ZDHHC3: variants seen among roughly 807,000 people sequenced by gnomAD.
ZDHHC3 encodes zDHHC palmitoyltransferase 3, also known as palmitoyltransferase ZDHHC3.
A neutral mutation model predicts 30.6 loss-of-function variants in ZDHHC3; 9 were observed. The ratio of observed to expected loss-of-function variants is 0.29; its 90% CI spans 0.18 to 0.51. The LOEUF (loss-of-function observed/expected upper bound fraction) is 0.51. Ranked by LOEUF, ZDHHC3 falls within the 20% of genes least tolerant of loss-of-function variation. The pLI is 0.97. For missense variants in ZDHHC3, 246 were observed against 384.2 expected, an observed-to-expected ratio of 0.64 and a Z score of 3.01; for synonymous variants, 136 against 140.2, an observed-to-expected ratio of 0.97 and a Z score of 0.21.
At chr3:44,964,978 C>T (rs75690717) in intron 1 of ZDHHC3, among the ~76,000 whole-genome samples, 1 of 151,384 alleles carries the variant, frequency 6.6e-6, no homozygotes, top group African/African-American at 2.4e-5. Context: ...TGGGGAGGGG[C>T]GGGGGTAAGG....
chr3:44,929,240 G>T (rs2125813424), intron 6 of ZDHHC3, 66 bp downstream of exon 6: 9 of 1,583,500 alleles, frequency 5.7e-6, no homozygotes, highest in Middle Eastern at 4.2e-4. Context: ...AGCTCTCCCA[G>T]CAACACTGAC....
Position 44,920,217 on chromosome 3 carries a change from T to C in ZDHHC3, c.*6472A>G, listed in dbSNP as rs1046120044. Reference sequence around the variant, plus strand: ...CTTCATGTGGGTCATGAGCATGTGATGCCATGCTGCTTCCTGACTGGCCCC... The same window carrying C: ...CTTCATGTGGGTCATGAGCATGTGACGCCATGCTGCTTCCTGACTGGCCCC... On this transcript the variant is annotated 3_prime_UTR_variant, in exon 7 of 7. Coordinates refer to ENST00000424952, the MANE Select transcript of ZDHHC3 (RefSeq NM_001135179.2). 1.6e-6 allele frequency: 2 copies of C among 1,289,980 alleles called. No individual in the cohort carries two copies. The highest frequency in any genetic ancestry group is 2.0e-6 in the Non-Finnish European group (2 of 988,914). 79.9% of individuals were successfully genotyped at this position (1,289,980 alleles called of 1,614,324 possible).
intron 6 of ZDHHC3, among the ~76,000 whole-genome samples, chr3:44,927,609 C>T (rs1053898058): frequency 2.6e-5 from 4 of 152,234 alleles, no homozygotes; most frequent in Non-Finnish European, 4.4e-5. Context: ...AGAAGCATGG[C>T]GCAGACCTAT....
intron 1 of ZDHHC3, among the ~76,000 whole-genome samples, chr3:44,968,898 GTAAGGAAGTGAAGC>G: frequency 6.6e-6 from 1 of 152,190 alleles, no homozygotes; most frequent in Non-Finnish European, 1.5e-5. Flanking sequence ...TTACAGATGA[GTAAGGAAGTGAAGC>G]TCAAGGAGTC....
Position 44,924,839 on chromosome 3 carries a change from T to C in ZDHHC3, c.*1850A>G. The C allele has an allele frequency of 2.0e-6, 2 of 985,550 alleles. No homozygotes were observed. The highest frequency in any genetic ancestry group is 2.4e-6 in the Non-Finnish European group (2 of 829,936). The allele number at this position is 985,550 out of a possible 1,614,324, so 61.1% of individuals were successfully genotyped here. The stretch of plus-strand genomic sequence containing the variant: ...AACTTGATCTAAAACAGCATTCTTT[T>C]CTTTTTAATCTTAGCATCTCAGCCT... On this transcript the variant is annotated 3_prime_UTR_variant, in exon 7 of 7. Coordinates refer to ENST00000424952, the MANE Select transcript of ZDHHC3 (RefSeq NM_001135179.2).
rs1322604221 is a variant in ZDHHC3 at position 44,925,169 on chromosome 3, C to G, written c.*1520G>C. ...ACCTCAAGAGAGAGCTAAATCAGAA[C>G]AGGTTTTGGAAAAATTTTATTGCAT... On this transcript the variant is annotated 3_prime_UTR_variant, in exon 7 of 7. Transcript: ENST00000424952. 5.1e-6 allele frequency: 5 copies of G among 985,776 alleles called. No individual in the cohort carries two copies. The highest frequency in any genetic ancestry group is 6.0e-6 in the Non-Finnish European group (5 of 829,948). 61.1% of individuals were successfully genotyped at this position (985,776 alleles called of 1,614,324 possible). A position where few individuals can be genotyped will look rare whatever the true frequency, so the allele number is the denominator to read the frequency against.
Position 44,926,379 on chromosome 3 carries a change from C to T in ZDHHC3, c.*310G>A, listed in dbSNP as rs533033607. On this transcript the variant is annotated 3_prime_UTR_variant, in exon 7 of 7. Transcript: ENST00000424952. ...CACTCAGTTAGTAGAATGGGCACAG[C>T]GCGAGACAGCGCCCTCTACATTAGT... The T allele has an allele frequency of 3.3e-5, 36 of 1,076,070 alleles. No homozygotes were observed. Among genetic ancestry groups the T allele is most frequent in the Middle Eastern group, 4.3e-4 (1 of 2,340 alleles). 66.7% of individuals were successfully genotyped at this position (1,076,070 alleles called of 1,614,324 possible). A position where few individuals can be genotyped will look rare whatever the true frequency, so the allele number is the denominator to read the frequency against.
chr3:44,958,281 C>T (rs958436499), intron 2 of ZDHHC3, among the ~76,000 whole-genome samples: 12 of 152,172 alleles, frequency 7.9e-5, no homozygotes, highest in African/African-American at 2.9e-4. Context: ...CAAGAACTAG[C>T]TCAGGCCCAT....
intron 3 of ZDHHC3, chr3:44,938,142 C>T: frequency 5.1e-6 from 1 of 197,600 alleles, no homozygotes; most frequent in South Asian, 7.6e-5. Flanking sequence ...TGTCACCAAG[C>T]CAGGCTAATT....
chr3:44,965,821 C>A (rs1704899689), intron 1 of ZDHHC3, among the ~76,000 whole-genome samples: 1 of 152,288 alleles, frequency 6.6e-6, no homozygotes, highest in African/African-American at 2.4e-5. Context: ...AGACAAGATC[C>A]CACACTAAAG....
At position 44,926,246 on chromosome 3, in the gene ZDHHC3, G is replaced by A; in HGVS notation, c.*443C>T. 7 of 986,998 alleles carry A rather than the reference G, an allele frequency of 7.1e-6. No homozygotes were observed. Among genetic ancestry groups the A allele is most frequent in the Non-Finnish European group, 8.4e-6 (7 of 831,034 alleles). 61.1% of individuals were successfully genotyped at this position (986,998 alleles called of 1,614,324 possible). A position where few individuals can be genotyped will look rare whatever the true frequency, so the allele number is the denominator to read the frequency against. On this transcript the variant is annotated 3_prime_UTR_variant, in exon 7 of 7. Transcript: ENST00000424952. ...CGGTGAGGTTTTATGTCCCATCGGGGAGCCCGCCACTGCCTCCTGGGCAGT... is the reference window on the plus strand; with the variant it reads ...CGGTGAGGTTTTATGTCCCATCGGGAAGCCCGCCACTGCCTCCTGGGCAGT...
chr3:44,955,457 T>TTATATA lies in ZDHHC3; in HGVS notation c.306+3668_306+3673dup, dbSNP rs150337679. 3.2e-3 allele frequency among the ~76,000 whole-genome samples: 457 copies of TTATATA among 143,948 alleles called. 4 individuals carry two copies. The highest frequency in any genetic ancestry group is 9.2e-3 in the African/African-American group (360 of 39,234). 94.4% of individuals were successfully genotyped at this position (143,948 alleles called of 152,430 possible). On this transcript the variant is annotated intron_variant, in intron 2 of 6. Transcript: ENST00000424952. ...CTGCTTGAGGGAGACCACAAGGTTT[T>TTATATA]TATATATATATATATATATGTATAT...
chr3:44,947,725 A>T (rs1165461033), intron 2 of ZDHHC3, among the ~76,000 whole-genome samples: 1 of 152,222 alleles, frequency 6.6e-6, no homozygotes, highest in Non-Finnish European at 1.5e-5. Context: ...TACACTCCCT[A>T]GCAGAGTCTT....
chr3:44,927,116 C>T (rs532970254), intron 6 of ZDHHC3, among the ~76,000 whole-genome samples: 11 of 152,260 alleles, frequency 7.2e-5, no homozygotes, highest in African/African-American at 2.2e-4. Flanking sequence ...TATGCCAGGC[C>T]GGGGTGTGTC....
intron 1 of ZDHHC3, among the ~76,000 whole-genome samples, chr3:44,965,870 G>A (rs79952825): frequency 1.7e-3 from 262 of 152,256 alleles, no homozygotes; most frequent in Middle Eastern, 6.8e-3. Flanking sequence ...CCAAATCTTT[G>A]GAAGCACCTC....
chr3:44,923,881 C>G lies in ZDHHC3; in HGVS notation c.*2808G>C, dbSNP rs1243084747. Reference sequence around the variant, plus strand: ...GAGATTTAGCACATGCACTTCTACCCAAATGTGTTTTGTGTACATGATATT... The same window carrying G: ...GAGATTTAGCACATGCACTTCTACCGAAATGTGTTTTGTGTACATGATATT... On this transcript the variant is annotated 3_prime_UTR_variant, in exon 7 of 7. Coordinates refer to ENST00000424952, the MANE Select transcript of ZDHHC3 (RefSeq NM_001135179.2). The G allele has an allele frequency of 5.1e-6, 5 of 985,270 alleles. No individual in the cohort carries two copies. The African/African-American group carries it at 8.7e-5, about 17-fold the overall frequency. 61.0% of individuals were successfully genotyped at this position (985,270 alleles called of 1,614,324 possible).
At position 44,922,709 on chromosome 3, in the gene ZDHHC3, T is replaced by C. The variant is rs1029792568; in HGVS notation, c.*3980A>G. The C allele has an allele frequency of 4.1e-6, 4 of 985,098 alleles. No homozygotes were observed. The highest frequency in any genetic ancestry group is 3.5e-5 in the African/African-American group (2 of 57,230). The allele number at this position is 985,098 out of a possible 1,614,324, so 61.0% of individuals were successfully genotyped here. A position where few individuals can be genotyped will look rare whatever the true frequency, so the allele number is the denominator to read the frequency against. ...ATAGTCAGAATCACCTGGAGGGCTG[T>C]TAAGACACGGGCTGCTGGGCCCCGC... On this transcript the variant is annotated 3_prime_UTR_variant, in exon 7 of 7. Transcript: ENST00000424952.
chr3:44,959,376 G>T lies in ZDHHC3; in HGVS notation c.61C>A (p.Pro21Thr). 4 of 1,614,240 alleles carry T rather than the reference G, an allele frequency of 2.5e-6. No homozygotes were observed. The highest frequency in any genetic ancestry group is 2.2e-5 in the East Asian group (1 of 44,888). ...TAGGGGGGTGGGACACACTTCTCTGGCTGGAGGTATTCTGGTTTCCGCTCA... is the reference window on the plus strand; with the variant it reads ...TAGGGGGGTGGGACACACTTCTCTGTCTGGAGGTATTCTGGTTTCCGCTCA... ...NIERKPEYLQ[P>T]EKCVPPPYPG... The change falls in exon 2 of 7, where the codon CCA becomes ACA. Residue 21 changes from proline (P) to threonine (T), a missense_variant. Coordinates refer to ENST00000424952, the MANE Select transcript of ZDHHC3 (RefSeq NM_001135179.2). The surrounding 1 kb of genome is among the most constrained non-coding windows in gnomAD (Gnocchi z 4.3).
chr3:44,918,691 C>T lies in ZDHHC3; in HGVS notation c.*7998G>A. 1.0e-6 allele frequency: 1 copy of T among 996,642 alleles called. No homozygotes were observed. The highest frequency in any genetic ancestry group is 5.3e-5 in the Admixed American group (1 of 18,864). 61.7% of individuals were successfully genotyped at this position (996,642 alleles called of 1,614,324 possible). ...ACAGCAAGTGCCAACATGCATTAGGCAGCCGGAGGGCACACAGGACCACTG... is the reference window on the plus strand; with the variant it reads ...ACAGCAAGTGCCAACATGCATTAGGTAGCCGGAGGGCACACAGGACCACTG... On this transcript the variant is annotated 3_prime_UTR_variant, in exon 7 of 7. Coordinates refer to ENST00000424952, the MANE Select transcript of ZDHHC3 (RefSeq NM_001135179.2).
Sources: gnomAD v4.1 joint callset for allele counts (sites outside exome capture counted in the v4.1 genomes callset) on GRCh38, gnomAD v4.1.1 for gene constraint, Gnocchi (gnomAD v3.1) non-coding constraint, MANE v1.5 for transcripts, NCBI Gene and HGNC (gene_info 2026-07-23, HGNC 2026-07-21) for gene names.